The following PCDHA3 variants were observed in gnomAD, a reference collection of about 807,000 sequenced individuals.
PCDHA3 encodes the protein protocadherin alpha-3.
A neutral mutation model predicts 62.2 loss-of-function variants in PCDHA3; 41 were observed. That is an observed-to-expected ratio of 0.66 (90% CI 0.51 to 0.86). PCDHA3 has a LOEUF of 0.86. Among genes scored for constraint, PCDHA3 ranks in the 40% least tolerant of loss-of-function variants. The pLI is 0.00. For missense variants in PCDHA3, 1,304 were observed against 1,241.2 expected (o/e 1.05, Z -0.76); for synonymous variants, 640 against 555.4 (o/e 1.15, Z -2.14).
At chr5:140,861,714 C>T (rs1270815582) in intron 1 of PCDHA3, 2 of 216,396 alleles carry the variant, frequency 9.2e-6, no homozygotes, top group Non-Finnish European at 1.9e-5. Flanking sequence ...GACGTCGGGG[C>T]CAATGCTCTG....
intron 1 of PCDHA3, chr5:140,836,280 A>T: frequency 6.2e-7 from 1 of 1,613,762 alleles, no homozygotes; most frequent in South Asian, 1.1e-5. Flanking sequence ...TGAGATCAGC[A>T]CGACACGAGC....
At chr5:140,869,344 A>G (rs540952410) in intron 1 of PCDHA3, 1 of 1,613,990 alleles carries the variant, frequency 6.2e-7, no homozygotes, top group African/African-American at 1.3e-5. Flanking sequence ...AAATCTGCAG[A>G]ATGGCATTTT....
intron 1 of PCDHA3, among the ~76,000 whole-genome samples, chr5:140,904,604 T>C (rs1010462159): frequency 2.0e-5 from 3 of 152,094 alleles, no homozygotes; most frequent in Non-Finnish European, 1.5e-5. Flanking sequence ...CTGGATCAAA[T>C]AGTAGTTTTA....
intron 1 of PCDHA3, among the ~76,000 whole-genome samples, chr5:140,895,035 C>T (rs1235775113): frequency 6.6e-6 from 1 of 152,104 alleles, no homozygotes; most frequent in East Asian, 1.9e-4. Context: ...AATTGTCCCC[C>T]ACCCACACCA....
chr5:140,910,019 T>C (rs2074838579), intron 1 of PCDHA3, among the ~76,000 whole-genome samples: 1 of 152,222 alleles, frequency 6.6e-6, no homozygotes, highest in Non-Finnish European at 1.5e-5. Flanking sequence ...CATCCTTGTA[T>C]CCCTGGGATA....
intron 1 of PCDHA3, chr5:140,854,137 G>A (rs1297927276): frequency 9.5e-6 from 4 of 422,564 alleles, no homozygotes; most frequent in Non-Finnish European, 9.2e-6. Context: ...ATTTCAGCCC[G>A]GGTGACAGCA....
chr5:140,858,147 T>C, intron 1 of PCDHA3: 1 of 1,597,630 alleles, frequency 6.3e-7, no homozygotes, highest in Non-Finnish European at 8.6e-7. Flanking sequence ...TACCTGATCA[T>C]CGCCATCTGC....
intron 1 of PCDHA3, among the ~76,000 whole-genome samples, chr5:140,925,170 A>G (rs2153576816): frequency 6.6e-6 from 1 of 152,194 alleles, no homozygotes; most frequent in East Asian, 1.9e-4. Flanking sequence ...TGTGTAATTG[A>G]CCCCAATGTA....
At chr5:140,954,076 C>T (rs941125208) in intron 1 of PCDHA3, among the ~76,000 whole-genome samples, 4 of 152,150 alleles carry the variant, frequency 2.6e-5, no homozygotes, top group Non-Finnish European at 2.9e-5. Context: ...AGGATAATGG[C>T]TTCCAGCTCC....
Position 140,842,608 on chromosome 5 carries a change from C to CG in PCDHA3, c.2394+39022dup, listed in dbSNP as rs1340734954. 5 of 1,557,100 alleles carry CG rather than the reference C, an allele frequency of 3.2e-6. 2 individuals carry two copies. In the African/African-American group the frequency reaches 7.2e-5, roughly 22 times the overall value. The stretch of plus-strand genomic sequence containing the variant: ...ATGAGTTGGTGGTAACCGCGCGGGA[C>CG]GGGGGCTCGCCTTCGCTGTGGGCCA... On this transcript the variant is annotated intron_variant, in intron 1 of 3. Coordinates refer to ENST00000522353, the MANE Select transcript of PCDHA3 (RefSeq NM_018906.3).
chr5:140,855,292 C>A lies in PCDHA3; in HGVS notation c.2394+51701C>A, dbSNP rs950015519. Reference sequence around the variant, plus strand: ...ACTCAACCACCGTATTACTATTAGGCCAAAGTTATAAAATTGGAACATGAG... The same window carrying A: ...ACTCAACCACCGTATTACTATTAGGACAAAGTTATAAAATTGGAACATGAG... On this transcript the variant is annotated intron_variant, in intron 1 of 3. Transcript: ENST00000522353. Among the ~76,000 whole-genome samples, 36 of 149,604 alleles carry A rather than the reference C, an allele frequency of 2.4e-4. 2 individuals carry two copies. Among genetic ancestry groups the A allele is most frequent in the African/African-American group, 8.6e-4 (35 of 40,780 alleles).
chr5:140,870,917 G>A, intron 1 of PCDHA3: 1 of 1,613,936 alleles, frequency 6.2e-7, no homozygotes, highest in Non-Finnish European at 8.5e-7. Flanking sequence ...TACAACGCGT[G>A]GCTTTCATAT....
At chr5:140,924,096 T>A (rs1044149112) in intron 1 of PCDHA3, among the ~76,000 whole-genome samples, 1 of 152,222 alleles carries the variant, frequency 6.6e-6, no homozygotes, top group Non-Finnish European at 1.5e-5. Flanking sequence ...AAAGAATAAA[T>A]TTTCATTCCA....
intron 3 of PCDHA3, among the ~76,000 whole-genome samples, chr5:141,008,010 T>C (rs2098356270): frequency 6.6e-6 from 1 of 152,214 alleles, no homozygotes; most frequent in African/African-American, 2.4e-5. Context: ...TAAACTTCTG[T>C]TTCCTTTTTT....
rs782792374 is a variant in PCDHA3, at chr5:140,869,589, T to C, written c.2394+65998T>C. The C allele has an allele frequency of 2.5e-6, 4 of 1,614,002 alleles. No individual in the cohort carries two copies. The African/African-American group carries it at 4.0e-5, about 16-fold the overall frequency. On this transcript the variant is annotated intron_variant, in intron 1 of 3. Coordinates refer to ENST00000522353, the MANE Select transcript of PCDHA3 (RefSeq NM_018906.3). ...TAGAGGGAGCTTCTGATGCTGACAT[T>C]GAAGAGAATGCTCTATTGACCTACA...
intron 1 of PCDHA3, chr5:140,859,594 C>G (rs2045925164): frequency 6.1e-6 from 1 of 164,452 alleles, no homozygotes; most frequent in Non-Finnish European, 1.3e-5. Context: ...TGGCTCTTAG[C>G]AATTACTTTT....
At chr5:140,849,456 G>C in intron 1 of PCDHA3, 2 of 1,587,320 alleles carry the variant, frequency 1.3e-6, no homozygotes, top group Non-Finnish European at 1.7e-6. Context: ...GATCCCAGTC[G>C]AGGCTGTCGA....
In PCDHA3 at chr5:140,803,599, A is replaced by C; in HGVS notation, c.2394+8A>C. 6.2e-7 allele frequency: 1 copy of C among 1,614,058 alleles called. No individual in the cohort carries two copies. Among genetic ancestry groups the C allele is most frequent in the East Asian group, 2.2e-5 (1 of 44,848 alleles). On this transcript the variant is annotated splice_region_variant and intron_variant, in intron 1 of 3. Transcript: ENST00000522353. ...GTTGATCTCTCAGCCAAAGTGAGTA[A>C]TTTTTATTTATTCTTTCCAAAATGT...
intron 1 of PCDHA3, chr5:140,926,711 C>T: frequency 1.1e-6 from 1 of 925,094 alleles, no homozygotes; most frequent in Non-Finnish European, 1.5e-6. Context: ...AGCTGGCCAG[C>T]CCCGGCAATG....
Sources: gnomAD v4.1 joint callset for allele counts (sites outside exome capture counted in the v4.1 genomes callset) on GRCh38, gnomAD v4.1.1 for gene constraint, MANE v1.5 for transcripts, NCBI Gene and HGNC (gene_info 2026-07-23, HGNC 2026-07-21) for gene names.